CDH23: variants seen among roughly 807,000 people sequenced by gnomAD.
CDH23 encodes the protein cadherin related 23, also known as cadherin-23.
Under a neutral mutation model 317.1 loss-of-function variants are expected in CDH23, and 189 were observed. That is an observed-to-expected ratio of 0.60 (90% CI 0.53 to 0.67). The LOEUF is 0.67. Ranked by LOEUF, CDH23 falls within the 30% of genes least tolerant of loss-of-function variation. The pLI, the probability that CDH23 is intolerant of heterozygous loss-of-function variation, is 0.00. For missense variants in CDH23, 4,401 were observed against 4,592.4 expected, an observed-to-expected ratio of 0.96 and a Z score of 1.20; for synonymous variants, 1,839 against 1,876.8, an observed-to-expected ratio of 0.98 and a Z score of 0.52.
intron 34 of CDH23, chr10:71,737,629 G>A (rs1839603738): frequency 2.2e-6 from 1 of 461,698 alleles, no homozygotes; most frequent in Non-Finnish European, 4.4e-6. Context: ...AATGGGGTCT[G>A]GCCTGGGGCA....
Position 71,753,128 on chromosome 10 carries a change from G to A in CDH23, c.4845+11207G>A, listed in dbSNP as rs1366513347. 29 of 1,120,798 alleles carry A rather than the reference G, an allele frequency of 2.6e-5. No individual in the cohort carries two copies. In the South Asian group the frequency reaches 3.3e-4, roughly 13 times the overall value. The allele number at this position is 1,120,798 out of a possible 1,614,324, so 69.4% of individuals were successfully genotyped here. Reference sequence around the variant, plus strand: ...GCCCAGGAGGGCCCTGCACAGCTCCGGACTCCATTTCTTTTCACATGGGTG... The same window carrying A: ...GCCCAGGAGGGCCCTGCACAGCTCCAGACTCCATTTCTTTTCACATGGGTG... On this transcript the variant is annotated intron_variant, in intron 38 of 69. Transcript: ENST00000224721.
intron 3 of CDH23, among the ~76,000 whole-genome samples, chr10:71,468,125 C>T (rs1851341244): frequency 6.6e-6 from 1 of 152,224 alleles, no homozygotes; most frequent in African/African-American, 2.4e-5. Context: ...GCCCCCTGTC[C>T]TCCTCTGTCC....
intron 2 of CDH23, among the ~76,000 whole-genome samples, chr10:71,441,086 A>G (rs1213612761): frequency 6.6e-6 from 1 of 151,914 alleles, no homozygotes; most frequent in Admixed American, 6.5e-5. Context: ...AGTCTCAAAG[A>G]CTCTCAGAGT....
intron 9 of CDH23, among the ~76,000 whole-genome samples, chr10:71,607,394 C>G (rs557516293): frequency 6.6e-6 from 1 of 152,350 alleles, no homozygotes; most frequent in Admixed American, 6.5e-5. Flanking sequence ...TTTTTAACCT[C>G]GCTGTGCCTC....
At chr10:71,435,493 T>G (rs1386395625) in intron 1 of CDH23, among the ~76,000 whole-genome samples, 1 of 152,218 alleles carries the variant, frequency 6.6e-6, no homozygotes, top group African/African-American at 2.4e-5. Context: ...CTGAGGGCTT[T>G]GGGGACTGGC....
chr10:71,417,445 TTG>T (rs1403845246), intron 1 of CDH23, among the ~76,000 whole-genome samples: 1 of 152,222 alleles, frequency 6.6e-6, no homozygotes, highest in African/African-American at 2.4e-5. Flanking sequence ...TATCCAATCT[TTG>T]GCTTGATATT....
chr10:71,810,592 A>G (rs749615043), intron 62 of CDH23, 23 bp downstream of exon 62: 1 of 1,609,280 alleles, frequency 6.2e-7, no homozygotes, highest in Non-Finnish European at 8.5e-7. Flanking sequence ...CTGTGTTTGG[A>G]CTGTCAGCCT....
chr10:71,689,586 C>T (rs748481621), intron 19 of CDH23, among the ~76,000 whole-genome samples: 1 of 152,200 alleles, frequency 6.6e-6, no homozygotes, highest in Non-Finnish European at 1.5e-5. Context: ...CCTTGCCCCT[C>T]GGGACTGCTG....
chr10:71,712,591 A>C, intron 27 of CDH23, 74 bp from the exon 28 acceptor site: 1 of 1,558,820 alleles, frequency 6.4e-7, no homozygotes, highest in Non-Finnish European at 8.8e-7. Flanking sequence ...GGTGCCCGGG[A>C]GTGTGCAAAG....
chr10:71,754,913 G>C (rs897245617), intron 38 of CDH23, among the ~76,000 whole-genome samples: 2 of 152,104 alleles, frequency 1.3e-5, no homozygotes, highest in Non-Finnish European at 2.9e-5. Context: ...AAAAAGAAAG[G>C]GTTGAGCTAA....
At chr10:71,460,722 C>T (rs1260050278) in intron 3 of CDH23, among the ~76,000 whole-genome samples, 1 of 152,228 alleles carries the variant, frequency 6.6e-6, no homozygotes, top group Non-Finnish European at 1.5e-5. Flanking sequence ...CGGTGCCAAC[C>T]ATTGTCCCTC....
rs375976417 is a variant in CDH23 at position 71,812,388 on chromosome 10, G to A, written c.9381-92G>A. On this transcript the variant is annotated intron_variant, in intron 66 of 69. Transcript: ENST00000224721. ...GTCAGTGAAAGGCACTATATGGCCAGGGAAATGGGCAGGATGTGGGGTGAG... is the reference window on the plus strand; with the variant it reads ...GTCAGTGAAAGGCACTATATGGCCAAGGAAATGGGCAGGATGTGGGGTGAG... 1.1e-5 allele frequency: 17 copies of A among 1,605,226 alleles called. No homozygotes were observed. The South Asian group carries it at 1.8e-4, about 17-fold the overall frequency.
At chr10:71,657,566 C>G (rs1015817272) in intron 14 of CDH23, among the ~76,000 whole-genome samples, 4 of 152,150 alleles carry the variant, frequency 2.6e-5, no homozygotes. Flanking sequence ...AGAGGTAGGC[C>G]CGGTCCACAG....
At chr10:71,440,605 C>A (rs556878170) in intron 2 of CDH23, among the ~76,000 whole-genome samples, 56 of 152,330 alleles carry the variant, frequency 3.7e-4, no homozygotes, top group African/African-American at 1.3e-3. Flanking sequence ...TTCCCCTCTG[C>A]CCTCCTTTCC....
chr10:71,787,226 CTG>C (rs761461185), intron 44 of CDH23, among the ~76,000 whole-genome samples: 11 of 152,030 alleles, frequency 7.2e-5, no homozygotes, highest in Non-Finnish European at 1.6e-4. Flanking sequence ...GACTAGAAAA[CTG>C]AGACCCAGAC....
chr10:71,567,037 A>G (rs1327402629), intron 7 of CDH23, 101 bp downstream of exon 7: 2 of 1,051,366 alleles, frequency 1.9e-6, no homozygotes, highest in African/African-American at 1.6e-5. Context: ...AGTGGCACAC[A>G]CTCGATGATC....
In CDH23 at chr10:71,423,728, T is replaced by A. The variant is rs1848918763; in HGVS notation, c.-5-16099T>A. Among the ~76,000 whole-genome samples, 3 of 152,144 alleles carry A rather than the reference T, an allele frequency of 2.0e-5. No individual in the cohort carries two copies. In the South Asian group the frequency reaches 6.2e-4, roughly 32 times the overall value. ...GGGTTTTAGGGTCATGCCTCTATCC[T>A]CTCTGAGGTTCATTTTCACCATTTG... On this transcript the variant is annotated intron_variant, in intron 1 of 69. Coordinates refer to ENST00000224721, the MANE Select transcript of CDH23 (RefSeq NM_022124.6).
At chr10:71,667,921 C>T (rs966804507) in intron 14 of CDH23, among the ~76,000 whole-genome samples, 1 of 151,976 alleles carries the variant, frequency 6.6e-6, no homozygotes, top group Non-Finnish European at 1.5e-5. Flanking sequence ...TGGGAAAAGC[C>T]CCAGGTGGGT....
At chr10:71,704,836 G>T (rs945915156) in intron 24 of CDH23, 75 bp from the exon 25 acceptor site, 25 of 1,174,868 alleles carry the variant, frequency 2.1e-5, no homozygotes, top group Non-Finnish European at 2.8e-5. Context: ...GCAGGGAGGA[G>T]GAGCACTTCT....
Sources: allele counts gnomAD v4.1 joint callset (sites outside exome capture counted in the v4.1 genomes callset), GRCh38; gene constraint gnomAD v4.1.1; transcripts MANE v1.5; gene names NCBI Gene and HGNC (gene_info 2026-07-23, HGNC 2026-07-21).